The following IMPG1 variants were observed in gnomAD, a reference collection of about 807,000 sequenced individuals.
The protein encoded by IMPG1 is interphotoreceptor matrix proteoglycan 1, also known as interphotoreceptor matrix proteoglycan of 150 kDa.
IMPG1 carries 85 observed loss-of-function variants against 92.0 expected under a neutral mutation model. That is an observed-to-expected ratio of 0.92 (90% CI 0.78 to 1.11). The LOEUF (loss-of-function observed/expected upper bound fraction) is 1.11. Among genes scored for constraint, IMPG1 ranks in the 50% least tolerant of loss-of-function variants. The pLI, the probability that IMPG1 is intolerant of heterozygous loss-of-function variation, is 0.00. For synonymous variants in IMPG1, 367 were observed against 334.1 expected, an observed-to-expected ratio of 1.10 and a Z score of -1.08; for missense variants, 1,022 against 956.0, an observed-to-expected ratio of 1.07 and a Z score of -0.91.
chr6:76,066,335 A>G (rs1784310298), intron 1 of IMPG1, among the ~76,000 whole-genome samples: 1 of 152,082 alleles, frequency 6.6e-6, no homozygotes, highest in African/African-American at 2.4e-5. Flanking sequence ...AACTTGGTAA[A>G]ACACTCATAG....
At chr6:76,025,324 C>G in intron 4 of IMPG1, 66 bp from the exon 5 acceptor site, 1 of 856,472 alleles carries the variant, frequency 1.2e-6, no homozygotes, top group East Asian at 2.5e-5. Flanking sequence ...AGAGAACATA[C>G]ATTTAAATTT....
chr6:75,922,670 G>C (rs1232216684), intron 16 of IMPG1, among the ~76,000 whole-genome samples: 3 of 152,054 alleles, frequency 2.0e-5, no homozygotes, highest in Non-Finnish European at 4.4e-5. Flanking sequence ...TGGTACTTCG[G>C]GATTTAGTTG....
chr6:76,017,074 C>A (rs1203492150), intron 7 of IMPG1, among the ~76,000 whole-genome samples: 1 of 151,400 alleles, frequency 6.6e-6, no homozygotes, highest in African/African-American at 2.4e-5. Flanking sequence ...GAAGGGCATT[C>A]TAGACAGAGC....
chr6:76,021,341 G>A (rs192486696), intron 6 of IMPG1, among the ~76,000 whole-genome samples: 9 of 152,022 alleles, frequency 5.9e-5, no homozygotes, highest in Non-Finnish European at 1.3e-4. Context: ...TCCCTAAAAC[G>A]TATGAAACCA....
chr6:75,970,999 C>G (rs1477698210), intron 12 of IMPG1, among the ~76,000 whole-genome samples: 1 of 152,078 alleles, frequency 6.6e-6, no homozygotes, highest in African/African-American at 2.4e-5. Flanking sequence ...AATCATGCTG[C>G]TATAAAGACA....
chr6:75,964,768 C>G (rs1782277453), intron 12 of IMPG1, among the ~76,000 whole-genome samples: 1 of 150,724 alleles, frequency 6.6e-6, no homozygotes, highest in African/African-American at 2.4e-5. Context: ...TCCTGCAAAA[C>G]TATAGCATAA....
chr6:76,040,162 C>A (rs1783810048), intron 2 of IMPG1, among the ~76,000 whole-genome samples: 1 of 152,118 alleles, frequency 6.6e-6, no homozygotes, highest in African/African-American at 2.4e-5. Context: ...AATGGACTGT[C>A]ATTGCTGTGG....
intron 15 of IMPG1, among the ~76,000 whole-genome samples, chr6:75,925,147 G>A (rs1426672185): frequency 6.6e-6 from 1 of 151,982 alleles, no homozygotes; most frequent in African/African-American, 2.4e-5. Context: ...ATAAATGTTT[G>A]AGATGATGGG....
At chr6:75,940,312 T>C (rs561736219) in intron 14 of IMPG1, among the ~76,000 whole-genome samples, 2 of 152,336 alleles carry the variant, frequency 1.3e-5, no homozygotes, top group East Asian at 3.9e-4. Flanking sequence ...AGTCAATCTA[T>C]CTTGTCTATT....
intron 10 of IMPG1, among the ~76,000 whole-genome samples, chr6:76,004,255 A>C (rs752535886): frequency 6.6e-6 from 1 of 152,176 alleles, no homozygotes; most frequent in Non-Finnish European, 1.5e-5. Context: ...CTAAACCATT[A>C]GGGATAAAAA....
intron 14 of IMPG1, among the ~76,000 whole-genome samples, chr6:75,942,624 G>C (rs944074311): frequency 1.3e-5 from 2 of 152,170 alleles, no homozygotes; most frequent in Non-Finnish European, 2.9e-5. Flanking sequence ...TGGTTGCACT[G>C]GTTGGTTGTA....
intron 12 of IMPG1, among the ~76,000 whole-genome samples, chr6:75,999,625 T>C (rs1782953429): frequency 6.6e-6 from 1 of 152,222 alleles, no homozygotes; most frequent in Admixed American, 6.5e-5. Flanking sequence ...ATCACGAATG[T>C]TTCCCAGTTA....
At chr6:76,039,884 C>T (rs1582123725) in intron 2 of IMPG1, among the ~76,000 whole-genome samples, 1 of 152,182 alleles carries the variant, frequency 6.6e-6, no homozygotes, top group Non-Finnish European at 1.5e-5. Context: ...CATTTCACTG[C>T]GTTGCTTTTA....
intron 13 of IMPG1, among the ~76,000 whole-genome samples, chr6:75,947,889 T>A (rs1781954705): frequency 6.6e-6 from 1 of 151,346 alleles, no homozygotes; most frequent in Non-Finnish European, 1.5e-5. Context: ...AATAAAAATA[T>A]GTTCCAAACT....
At chr6:76,061,306 A>G (rs1311655860) in intron 1 of IMPG1, among the ~76,000 whole-genome samples, 1 of 152,200 alleles carries the variant, frequency 6.6e-6, no homozygotes, top group Non-Finnish European at 1.5e-5. Context: ...ATCCTCTTAG[A>G]CACAGTTGAA....
In IMPG1 at chr6:75,924,593, T is replaced by TAA. The variant is rs1562334846; in HGVS notation, c.2244-888_2244-887insTT. 6.7e-4 allele frequency among the ~76,000 whole-genome samples: 23 copies of TAA among 34,292 alleles called. 4 individuals are homozygous for TAA. The highest frequency in any genetic ancestry group is 4.6e-3 in the Admixed American group (7 of 1,526). The allele number at this position is 34,292 out of a possible 152,430, so 22.5% of individuals were successfully genotyped here. On this transcript the variant is annotated intron_variant, in intron 15 of 16. Transcript: ENST00000369950. ...TATATATAATTAATATAATTATATA[T>TAA]TATATATAATTAATTATATATAATA... is the stretch of plus-strand genomic sequence containing the variant.
At chr6:76,000,074 T>C (rs1451580162) in intron 12 of IMPG1, among the ~76,000 whole-genome samples, 1 of 152,168 alleles carries the variant, frequency 6.6e-6, no homozygotes, top group Admixed American at 6.5e-5. Flanking sequence ...AGCAGATAAA[T>C]TTTTCTCCTA....
At chr6:76,000,246 G>A (rs1782965321) in intron 12 of IMPG1, among the ~76,000 whole-genome samples, 2 of 152,248 alleles carry the variant, frequency 1.3e-5, no homozygotes, top group South Asian at 4.1e-4. Context: ...TTCCTACAGA[G>A]TTATCTTATT....
At chr6:75,926,225 C>T (rs1781547021) in intron 15 of IMPG1, among the ~76,000 whole-genome samples, 1 of 152,190 alleles carries the variant, frequency 6.6e-6, no homozygotes, top group Admixed American at 6.5e-5. Flanking sequence ...ACTGAGTTGT[C>T]TAAAGTGATT....
Sources: allele counts gnomAD v4.1 joint callset (sites outside exome capture counted in the v4.1 genomes callset), GRCh38; gene constraint gnomAD v4.1.1; transcripts MANE v1.5; gene names NCBI Gene and HGNC (gene_info 2026-07-23, HGNC 2026-07-21).